Variants in RP1 observed in about 807,000 individuals in gnomAD.
RP1 encodes the protein RP1 axonemal microtubule associated.
Under a neutral mutation model 14.8 loss-of-function variants are expected in RP1, and 16 were observed. The observed-to-expected ratio is 1.08, with a 90% CI of 0.73 to 1.65. The LOEUF (loss-of-function observed/expected upper bound fraction) is 1.65, where lower values mean the gene tolerates loss of function less well. Ranked by LOEUF, RP1 falls within the 40% of genes most tolerant of loss-of-function variation. RP1 has a pLI of 0.00. For synonymous variants in RP1, 876 were observed against 883.6 expected (o/e 0.99, Z 0.15); for missense variants, 2,631 against 2,535.0 (o/e 1.04, Z -0.81).
chr8:54,716,536 C>T (rs959623290), intron 15 of RP1, among the ~76,000 whole-genome samples: 1 of 152,096 alleles, frequency 6.6e-6, no homozygotes, highest in African/African-American at 2.4e-5. Context: ...TGTTTAATTT[C>T]AAATATGACT....
chr8:54,741,707 GTATA>G (rs372225314), intron 19 of RP1, among the ~76,000 whole-genome samples: 2,910 of 57,976 alleles, frequency 0.05, 48 homozygotes, highest in South Asian at 0.075. Context: ...AAATGTGTGT[GTATA>G]TATATATATA....
intron 24 of RP1, among the ~76,000 whole-genome samples, chr8:54,786,635 T>A (rs1585691215): frequency 6.6e-6 from 1 of 152,276 alleles, no homozygotes; most frequent in South Asian, 2.1e-4. Flanking sequence ...TTGATTAATT[T>A]TCAGAGTTCT....
In RP1 at chr8:54,629,722, T is replaced by C; in HGVS notation, c.5840T>C (p.Leu1947Ser). Reference protein sequence around the residue: ...YRKESDIENFLGFYLWMKIHP... With the variant: ...YRKESDIENFSGFYLWMKIHP... ...AAAGAATCTGATATTGAAAATTTCTTGGGTTTTTATTTATGGATGAAAATA... is the reference window on the plus strand; with the variant it reads ...AAAGAATCTGATATTGAAAATTTCTCGGGTTTTTATTTATGGATGAAAATA... The change falls in exon 4 of 4, where the codon TTG becomes TCG. Residue 1947 changes from leucine (L) to serine (S), a missense_variant. By Grantham distance (145) the Leu-to-Ser change is moderately radical. Transcript: ENST00000220676. 6.2e-7 allele frequency: 1 copy of C among 1,612,136 alleles called. No individual in the cohort carries two copies. Among genetic ancestry groups the C allele is most frequent in the Non-Finnish European group, 8.5e-7 (1 of 1,179,066 alleles).
chr8:54,630,875 GA>G, downstream of RP1: 1 of 957,880 alleles, frequency 1.0e-6, no homozygotes, highest in South Asian at 4.7e-5. Flanking sequence ...AATATCCAGT[GA>G]AATTGCAAGC....
upstream of RP1, among the ~76,000 whole-genome samples, chr8:54,614,878 C>G (rs1273493678): frequency 2.0e-5 from 3 of 152,110 alleles, no homozygotes; most frequent in African/African-American, 2.4e-5. Context: ...CAGAACTGAT[C>G]AATGTGAATT....
intron 21 of RP1, among the ~76,000 whole-genome samples, chr8:54,756,723 C>A (rs1809515452): frequency 6.6e-6 from 1 of 152,166 alleles, no homozygotes; most frequent in Non-Finnish European, 1.5e-5. Flanking sequence ...GCATCAGCCC[C>A]AGACTCTTTC....
At chr8:54,633,731 C>CTATA (rs1208711612), downstream of RP1, among the ~76,000 whole-genome samples, 81 of 134,386 alleles carry the variant, frequency 6.0e-4, no homozygotes, top group South Asian at 3.5e-3. Context: ...CTCTCTCTCT[C>CTATA]TCTCTCTATA....
chr8:54,737,269 T>G (rs1808956445), intron 18 of RP1, among the ~76,000 whole-genome samples: 1 of 152,146 alleles, frequency 6.6e-6, no homozygotes, highest in Non-Finnish European at 1.5e-5. Context: ...GGGACAAGCA[T>G]GTCAAGTCTT....
chr8:54,676,308 G>A (rs998085506), intron 8 of RP1, among the ~76,000 whole-genome samples: 2 of 152,162 alleles, frequency 1.3e-5, no homozygotes, highest in African/African-American at 4.8e-5. Flanking sequence ...CTGTTGATTT[G>A]ATACCTATTC....
At chr8:54,660,855 C>G (rs921489152) in intron 6 of RP1, among the ~76,000 whole-genome samples, 1 of 151,940 alleles carries the variant, frequency 6.6e-6, no homozygotes, top group Non-Finnish European at 1.5e-5. Flanking sequence ...ATATATTTGT[C>G]TTTTAAGTTC....
chr8:54,779,219 TG>T (rs1052514520), intron 23 of RP1, among the ~76,000 whole-genome samples: 2 of 152,204 alleles, frequency 1.3e-5, no homozygotes, highest in African/African-American at 4.8e-5. Flanking sequence ...AGAGACGTGC[TG>T]GGTTTTTTCG....
In RP1 at chr8:54,836,964, G is replaced by T. The variant is rs116278148; in HGVS notation, c.3616-486G>T. Reference sequence around the variant, plus strand: ...TATTTGTCATACTGAATAATTATGTGTTCTGGGGGGTGCAAAGGAATACAA... The same window carrying T: ...TATTTGTCATACTGAATAATTATGTTTTCTGGGGGGTGCAAAGGAATACAA... On this transcript the variant is annotated intron_variant, in intron 24 of 28. Transcript: ENST00000637698. 3.1e-3 allele frequency among the ~76,000 whole-genome samples: 471 copies of T among 152,180 alleles called. 1 individual carries two copies. Among genetic ancestry groups the T allele is most frequent in the African/African-American group, 0.011 (440 of 41,524 alleles).
At chr8:54,597,853 C>A (rs1275151349) in intron 1 of RP1, among the ~76,000 whole-genome samples, 1 of 151,888 alleles carries the variant, frequency 6.6e-6, no homozygotes, top group East Asian at 1.9e-4. Context: ...AGAATGACTG[C>A]AAATGGAGAC....
chr8:54,820,195 C>T (rs973444860), intron 24 of RP1, among the ~76,000 whole-genome samples: 1 of 151,984 alleles, frequency 6.6e-6, no homozygotes, highest in Admixed American at 6.6e-5. Flanking sequence ...TGTCCTCTTC[C>T]CTCTCCTTTC....
chr8:54,668,161 C>T (rs1404339361), intron 7 of RP1, among the ~76,000 whole-genome samples: 2 of 152,064 alleles, frequency 1.3e-5, no homozygotes, highest in Admixed American at 6.6e-5. Flanking sequence ...GGCTTCATTC[C>T]TGGGATTCAA....
intron 15 of RP1, among the ~76,000 whole-genome samples, chr8:54,707,417 C>T (rs1471843520): frequency 6.6e-6 from 1 of 152,128 alleles, no homozygotes; most frequent in African/African-American, 2.4e-5. Context: ...GACACTGTGC[C>T]CAGACAGGGG....
chr8:54,652,438 T>C (rs1414526357), intron 4 of RP1, among the ~76,000 whole-genome samples: 1 of 152,148 alleles, frequency 6.6e-6, no homozygotes, highest in Non-Finnish European at 1.5e-5. Flanking sequence ...GAAAGACTGT[T>C]TTCTGTTGTT....
chr8:54,723,262 T>C (rs143911127), intron 16 of RP1, among the ~76,000 whole-genome samples: 4 of 152,378 alleles, frequency 2.6e-5, no homozygotes, highest in Non-Finnish European at 5.9e-5. Flanking sequence ...GCTGTTATGA[T>C]TATTAAAAAG....
chr8:54,630,373 A>T lies in RP1; in HGVS notation c.*20A>T. 7 of 1,612,696 alleles carry T rather than the reference A, an allele frequency of 4.3e-6. No individual in the cohort carries two copies. Among genetic ancestry groups the T allele is most frequent in the Non-Finnish European group, 5.9e-6 (7 of 1,179,278 alleles). On this transcript the variant is annotated 3_prime_UTR_variant, in exon 4 of 4. Transcript: ENST00000220676. The stretch of plus-strand genomic sequence containing the variant: ...TTATAATTTCAATATCAGCACACTC[A>T]TTCTTTGTCAATTCATTTTTTCCCA...
Sources: gnomAD v4.1 joint callset for allele counts (sites outside exome capture counted in the v4.1 genomes callset) on GRCh38, gnomAD v4.1.1 for gene constraint, MANE v1.5 for transcripts, NCBI Gene and HGNC (gene_info 2026-07-23, HGNC 2026-07-21) for gene names.